Variants in LPP observed in about 807,000 individuals in gnomAD.
LPP encodes the protein LIM domain containing preferred translocation partner in lipoma, also known as lipoma-preferred partner.
LPP carries 38 observed loss-of-function variants against 60.4 expected under a neutral mutation model. The observed-to-expected ratio is 0.63, with a 90% CI of 0.49 to 0.83. The LOEUF (loss-of-function observed/expected upper bound fraction) is 0.83. Ranked by LOEUF, LPP falls within the 40% of genes least tolerant of loss-of-function variation. LPP has a pLI of 0.00. For synonymous variants in LPP, 328 were observed against 290.8 expected (o/e 1.13, Z -1.30); for missense variants, 902 against 783.6 (o/e 1.15, Z -1.80).
rs539255463 is a variant in LPP, at chr3:188,214,390, C to T, written c.-189-11015C>T. On this transcript the variant is annotated intron_variant, in intron 1 of 11. Transcript: ENST00000617246. ...AGGTGATCTGCCTGCCTTGGCCTCC[C>T]AAAGTGCTGGGATTACAGGCATGAG... Among the ~76,000 whole-genome samples, 13 of 152,316 alleles carry T rather than the reference C, an allele frequency of 8.5e-5. 1 individual carries two copies. The highest frequency in any genetic ancestry group is 3.1e-4 in the African/African-American group (13 of 41,562).
At position 188,306,280 on chromosome 3, in the gene LPP, G is replaced by T. The variant is rs918870552; in HGVS notation, c.-66-35383G>T. Among the ~76,000 whole-genome samples, 15 of 151,620 alleles carry T rather than the reference G, an allele frequency of 9.9e-5. No homozygotes were observed. In the East Asian group the frequency reaches 2.5e-3, roughly 26 times the overall value. The stretch of plus-strand genomic sequence containing the variant: ...TTTTTTGTATTTTTAGTAGAGACGG[G>T]GTTTCACCATGTTGGTCAGGCTGGG... On this transcript the variant is annotated intron_variant, in intron 2 of 11. Transcript: ENST00000617246.
intron 2 of LPP, among the ~76,000 whole-genome samples, chr3:188,230,092 C>CTT (rs112163584): frequency 1.4e-5 from 2 of 146,224 alleles, no homozygotes; most frequent in African/African-American, 5.0e-5. Flanking sequence ...GAAACATATT[C>CTT]TTTTTTTTTT....
chr3:188,564,523 C>A (rs1831622628), intron 6 of LPP, among the ~76,000 whole-genome samples: 1 of 151,824 alleles, frequency 6.6e-6, no homozygotes, highest in East Asian at 1.9e-4. Context: ...CCAGGATGAG[C>A]CAGAATTATG....
chr3:188,367,785 G>A (rs1198063989), intron 3 of LPP, among the ~76,000 whole-genome samples: 2 of 152,060 alleles, frequency 1.3e-5, no homozygotes, highest in African/African-American at 4.8e-5. Flanking sequence ...CTGAGAAGTC[G>A]AACAGGCAAA....
chr3:188,733,775 G>GTGGTT (rs112051219), intron 8 of LPP, among the ~76,000 whole-genome samples: 2 of 151,782 alleles, frequency 1.3e-5, no homozygotes, highest in Admixed American at 6.6e-5. Flanking sequence ...TGTTTTTGTG[G>GTGGTT]TTGTTTTGTT....
chr3:188,450,744 CAA>C lies in LPP; in HGVS notation c.194-33833_194-33832del, dbSNP rs10708050. Among the ~76,000 whole-genome samples, 1,102 of 140,390 alleles carry C rather than the reference CAA, an allele frequency of 7.8e-3. 25 individuals are homozygous for C. In the East Asian group the frequency reaches 0.097, roughly 12 times the overall value. 92.1% of individuals were successfully genotyped at this position (140,390 alleles called of 152,430 possible). The stretch of plus-strand genomic sequence containing the variant: ...TGGGTGACAAAGTGAGACTCTGTCT[CAA>C]AAAAAAAAAAAAAATCTATTTACAT... On this transcript the variant is annotated intron_variant, in intron 4 of 11. Transcript: ENST00000617246.
chr3:188,583,338 A>G (rs1836695642), intron 6 of LPP, among the ~76,000 whole-genome samples: 1 of 152,136 alleles, frequency 6.6e-6, no homozygotes. Flanking sequence ...TGATCCCCAG[A>G]GACATTGAGC....
chr3:188,781,759 G>A (rs1311825131), intron 9 of LPP, among the ~76,000 whole-genome samples: 3 of 151,712 alleles, frequency 2.0e-5, no homozygotes, highest in Non-Finnish European at 2.9e-5. Context: ...GGACATGGTG[G>A]CGGGTGCCTG....
At chr3:188,224,720 G>C (rs1320538238) in intron 1 of LPP, among the ~76,000 whole-genome samples, 1 of 152,098 alleles carries the variant, frequency 6.6e-6, no homozygotes, top group Non-Finnish European at 1.5e-5. Flanking sequence ...AAGAGAGGGA[G>C]TAGGCAGAGG....
chr3:188,563,728 G>GTTTTTTTTT (rs5855207), intron 6 of LPP, among the ~76,000 whole-genome samples: 4 of 145,148 alleles, frequency 2.8e-5, no homozygotes, highest in Non-Finnish European at 6.0e-5. Context: ...GTTTTTTTTT[G>GTTTTTTTTT]TTTTTTTTTT....
intron 4 of LPP, among the ~76,000 whole-genome samples, chr3:188,470,327 TAAA>T (rs1801539570): frequency 7.9e-6 from 1 of 126,134 alleles, no homozygotes. Flanking sequence ...CACGCACACA[TAAA>T]CCACATACAC....
At chr3:188,714,516 G>C (rs1016287636) in intron 8 of LPP, among the ~76,000 whole-genome samples, 1 of 151,620 alleles carries the variant, frequency 6.6e-6, no homozygotes, top group Non-Finnish European at 1.5e-5. Context: ...AATAGCCACC[G>C]TTCTTATTTT....
At position 188,883,791 on chromosome 3, in the gene LPP, C is replaced by G. The variant is rs1578132706; in HGVS notation, c.*9312C>G. ...ATTGGTGTATAATCCCCATGTCTAA[C>G]AAGGAAGAAGTCAAAAGCAAAAGAT... On this transcript the variant is annotated 3_prime_UTR_variant, in exon 12 of 12. Coordinates refer to ENST00000617246, the MANE Select transcript of LPP (RefSeq NM_001375462.1). 1 of 156,762 alleles carries G rather than the reference C, an allele frequency of 6.4e-6. No homozygotes were observed. The highest frequency in any genetic ancestry group is 2.4e-4 in the South Asian group (1 of 4,234). 9.7% of individuals were successfully genotyped at this position (156,762 alleles called of 1,614,324 possible).
rs1160684863 is a variant in LPP at position 188,508,426 on chromosome 3, T to C, written c.307-16239T>C. Among the ~76,000 whole-genome samples the C allele has an allele frequency of 2.0e-5, 3 of 152,346 alleles. No homozygotes were observed. In the South Asian group the frequency reaches 6.2e-4, roughly 32 times the overall value. On this transcript the variant is annotated intron_variant, in intron 5 of 11. Coordinates refer to ENST00000617246, the MANE Select transcript of LPP (RefSeq NM_001375462.1). ...TACAGTCTCCAGACATAAACAGCTCTGCCTAGACAAAATTGTAGCAGTAGG... is the reference window on the plus strand; with the variant it reads ...TACAGTCTCCAGACATAAACAGCTCCGCCTAGACAAAATTGTAGCAGTAGG...
At chr3:188,512,495 T>C (rs1384388979) in intron 5 of LPP, among the ~76,000 whole-genome samples, 2 of 151,560 alleles carry the variant, frequency 1.3e-5, no homozygotes, top group African/African-American at 2.4e-5. Context: ...GAGGTTTCAA[T>C]GAGCCAAGGT....
At chr3:188,277,923 T>C (rs1305186808) in intron 2 of LPP, among the ~76,000 whole-genome samples, 1 of 152,202 alleles carries the variant, frequency 6.6e-6, no homozygotes, top group Non-Finnish European at 1.5e-5. Context: ...GATGACCCTT[T>C]AGTAGAGATA....
At chr3:188,592,368 A>ATACACACAGTCACACACACACT (rs1473630157) in intron 6 of LPP, among the ~76,000 whole-genome samples, 31 of 152,010 alleles carry the variant, frequency 2.0e-4, no homozygotes, top group African/African-American at 7.2e-4. Flanking sequence ...ACACACACAC[A>ATACACACAGTCACACACACACT]TACACACAGT....
chr3:188,240,976 GA>G (rs1273779989), intron 2 of LPP, among the ~76,000 whole-genome samples: 2 of 152,168 alleles, frequency 1.3e-5, no homozygotes, highest in Non-Finnish European at 2.9e-5. Context: ...ATTTTTAAAT[GA>G]AAAATGTTAA....
chr3:188,266,058 C>T (rs950160349), intron 2 of LPP, among the ~76,000 whole-genome samples: 8 of 152,038 alleles, frequency 5.3e-5, no homozygotes, highest in Non-Finnish European at 8.8e-5. Context: ...TAACAAAGTG[C>T]GGCAATGCAG....
Sources: allele counts gnomAD v4.1 joint callset (sites outside exome capture counted in the v4.1 genomes callset), GRCh38; gene constraint gnomAD v4.1.1; transcripts MANE v1.5; gene names NCBI Gene and HGNC (gene_info 2026-07-23, HGNC 2026-07-21).